Variants in MALRD1 observed in about 807,000 individuals in gnomAD.
The protein encoded by MALRD1 is MAM and LDL receptor class A domain containing 1, also known as MAM and LDL-receptor class A domain-containing protein 1.
Under a neutral mutation model 242.1 loss-of-function variants are expected in MALRD1, and 247 were observed. That is an observed-to-expected ratio of 1.02 (90% CI 0.92 to 1.13). The LOEUF is 1.13. Ranked by LOEUF, MALRD1 falls within the 50% of genes most tolerant of loss-of-function variation. The pLI, the probability that MALRD1 is intolerant of heterozygous loss-of-function variation, is 0.00. For synonymous variants in MALRD1, 995 were observed against 866.6 expected (o/e 1.15, Z -2.60); for missense variants, 2,989 against 2,533.1 (o/e 1.18, Z -3.86).
intron 22 of MALRD1, among the ~76,000 whole-genome samples, chr10:19,325,533 A>C (rs563538417): frequency 1.8e-4 from 28 of 152,038 alleles, no homozygotes; most frequent in Non-Finnish European, 2.9e-4. Context: ...AGAATAATGC[A>C]TAAAGTTCGT....
At chr10:19,252,285 C>G (rs981814052) in intron 18 of MALRD1, among the ~76,000 whole-genome samples, 2 of 151,932 alleles carry the variant, frequency 1.3e-5, no homozygotes, top group African/African-American at 2.4e-5. Context: ...TGGAGTTAAA[C>G]GAAACTGTTA....
intron 33 of MALRD1, among the ~76,000 whole-genome samples, chr10:19,576,824 C>A (rs1476057126): frequency 6.6e-6 from 1 of 152,130 alleles, no homozygotes; most frequent in East Asian, 1.9e-4. Flanking sequence ...CTTAATCCTC[C>A]CCACAGGAAA....
At chr10:19,536,940 A>G (rs1317725900) in intron 32 of MALRD1, among the ~76,000 whole-genome samples, 1 of 152,162 alleles carries the variant, frequency 6.6e-6, no homozygotes, top group Non-Finnish European at 1.5e-5. Context: ...CCCTCTCAGA[A>G]AGATGGTATT....
Position 19,108,387 on chromosome 10 carries a change from C to CTTTTTTTTTTT in MALRD1, c.694+4340_694+4350dup, listed in dbSNP as rs35948766. ...TTATTGAGCTCATGAATTGTTTTTT[C>CTTTTTTTTTTT]TTTTTTTTTTTTTTTTTTTTTTTTT... is the stretch of plus-strand genomic sequence containing the variant. On this transcript the variant is annotated intron_variant, in intron 5 of 39. Transcript: ENST00000454679. Among the ~76,000 whole-genome samples the CTTTTTTTTTTT allele has an allele frequency of 3.3e-3, 65 of 19,764 alleles. 30 individuals carry two copies. Among genetic ancestry groups the CTTTTTTTTTTT allele is most frequent in the East Asian group, 5.5e-3 (4 of 726 alleles). 13.0% of individuals were successfully genotyped at this position (19,764 alleles called of 152,430 possible). A position where few individuals can be genotyped will look rare whatever the true frequency, so the allele number is the denominator to read the frequency against.
At chr10:19,233,015 G>T (rs1838150021) in intron 18 of MALRD1, among the ~76,000 whole-genome samples, 1 of 152,068 alleles carries the variant, frequency 6.6e-6, no homozygotes, top group Admixed American at 6.6e-5. Flanking sequence ...TTTAAATAAG[G>T]TTGCTTAATT....
At chr10:19,130,733 G>A (rs1260269981) in intron 8 of MALRD1, among the ~76,000 whole-genome samples, 1 of 152,018 alleles carries the variant, frequency 6.6e-6, no homozygotes, top group Admixed American at 6.6e-5. Flanking sequence ...TATGTATTTA[G>A]TATGTATGTA....
At chr10:19,615,831 G>A (rs757826249) in intron 35 of MALRD1, 26 bp from the exon 36 acceptor site, 12 of 1,473,554 alleles carry the variant, frequency 8.1e-6, no homozygotes, top group South Asian at 1.2e-5. Context: ...ATAATTAACT[G>A]GTGTCTTTGT....
At chr10:19,390,851 C>T (rs1481597541) in intron 28 of MALRD1, among the ~76,000 whole-genome samples, 2 of 152,032 alleles carry the variant, frequency 1.3e-5, no homozygotes, top group Non-Finnish European at 2.9e-5. Context: ...GAAAACTCTG[C>T]CTAATAAAAT....
At chr10:19,513,176 G>A (rs1020969795) in intron 31 of MALRD1, among the ~76,000 whole-genome samples, 1 of 152,058 alleles carries the variant, frequency 6.6e-6, no homozygotes, top group Non-Finnish European at 1.5e-5. Flanking sequence ...AGGTGCTTGG[G>A]TCATGAGGAT....
At chr10:19,282,786 C>T (rs951888206) in intron 20 of MALRD1, among the ~76,000 whole-genome samples, 1 of 152,114 alleles carries the variant, frequency 6.6e-6, no homozygotes. Flanking sequence ...GAAACCAGAT[C>T]ATTAGTATAT....
intron 18 of MALRD1, among the ~76,000 whole-genome samples, chr10:19,252,545 A>G (rs1839339338): frequency 6.6e-6 from 1 of 152,076 alleles, no homozygotes. Flanking sequence ...TTGTTTCCCA[A>G]AATAAGAAAA....
chr10:19,432,401 TA>T (rs1428550044), intron 28 of MALRD1, among the ~76,000 whole-genome samples: 1 of 152,216 alleles, frequency 6.6e-6, no homozygotes, highest in Admixed American at 6.5e-5. Flanking sequence ...TTTTTACCTA[TA>T]TCAGAGAAAG....
At chr10:19,399,868 T>G (rs949849073) in intron 28 of MALRD1, among the ~76,000 whole-genome samples, 1 of 152,166 alleles carries the variant, frequency 6.6e-6, no homozygotes, top group Non-Finnish European at 1.5e-5. Context: ...TAAAGCTCCT[T>G]GGTAAATTCT....
chr10:19,146,642 GCTTGC>G (rs1833737636), intron 11 of MALRD1, among the ~76,000 whole-genome samples: 1 of 152,130 alleles, frequency 6.6e-6, no homozygotes, highest in Non-Finnish European at 1.5e-5. Flanking sequence ...AGTACAGTAG[GCTTGC>G]CTTCTTTTTA....
chr10:19,097,011 A>G, intron 4 of MALRD1, among the ~76,000 whole-genome samples: 1 of 152,236 alleles, frequency 6.6e-6, no homozygotes, highest in Admixed American at 6.5e-5. Context: ...TCTACTTAGC[A>G]AAGACGGAAG....
At chr10:19,473,141 G>A (rs1191669880) in intron 29 of MALRD1, among the ~76,000 whole-genome samples, 2 of 44,656 alleles carry the variant, frequency 4.5e-5, no homozygotes, top group Non-Finnish European at 9.5e-5. Context: ...TAAATTTTGA[G>A]GATAAATTGA....
intron 27 of MALRD1, 193 bp from the exon 28 acceptor site, chr10:19,389,257 GCA>G (rs1221404646): frequency 1.1e-5 from 8 of 697,324 alleles, no homozygotes; most frequent in Non-Finnish European, 2.1e-5. Context: ...CGTGCTAAAA[GCA>G]CAGACAGTTG....
chr10:19,334,788 T>A (rs73593872), intron 24 of MALRD1, among the ~76,000 whole-genome samples: 8,894 of 152,154 alleles, frequency 0.058, 537 homozygotes, highest in African/African-American at 0.15. Flanking sequence ...TTCTTCATTG[T>A]CATTTTCCCT....
In MALRD1 at chr10:19,157,220, AT is replaced by A. The variant is rs75489999; in HGVS notation, c.1656+2055del. Among the ~76,000 whole-genome samples the A allele has an allele frequency of 0.015, 2,196 of 149,420 alleles. 107 individuals carry two copies. The East Asian group carries it at 0.19, about 13-fold the overall frequency. Reference sequence around the variant, plus strand: ...GGATTTTTCTAAGACTATAATATGAATTTTTTTAATAAGTTTGTGGCAATAT... The same window carrying A: ...GGATTTTTCTAAGACTATAATATGAATTTTTTAATAAGTTTGTGGCAATAT... On this transcript the variant is annotated intron_variant, in intron 12 of 39. Coordinates refer to ENST00000454679, the MANE Select transcript of MALRD1 (RefSeq NM_001142308.3).
Sources: gnomAD v4.1 joint callset for allele counts (sites outside exome capture counted in the v4.1 genomes callset) on GRCh38, gnomAD v4.1.1 for gene constraint, MANE v1.5 for transcripts, NCBI Gene and HGNC (gene_info 2026-07-23, HGNC 2026-07-21) for gene names.